The following KANK1 variants were observed in gnomAD, a reference collection of about 807,000 sequenced individuals.
KANK1 encodes KN motif and ankyrin repeat domains 1.
KANK1 carries 109 observed loss-of-function variants against 106.2 expected under a neutral mutation model. The ratio of observed to expected loss-of-function variants is 1.03; its 90% CI spans 0.88 to 1.20. The LOEUF (loss-of-function observed/expected upper bound fraction) is 1.20, where lower values mean the gene tolerates loss of function less well. KANK1 is among the 50% of genes most tolerant of loss of function. The pLI is 0.00. For synonymous variants in KANK1, 873 were observed against 652.2 expected (o/e 1.34, Z -5.16); for missense variants, 2,399 against 1,710.7 (o/e 1.40, Z -7.10).
intron 1 of KANK1, among the ~76,000 whole-genome samples, chr9:589,053 C>T (rs1182284786): frequency 1.3e-5 from 2 of 152,212 alleles, no homozygotes; most frequent in Non-Finnish European, 2.9e-5. Flanking sequence ...CTGAAGATCA[C>T]AAATTACCTT....
At chr9:719,258 C>T (rs956711283) in intron 3 of KANK1, among the ~76,000 whole-genome samples, 3 of 152,132 alleles carry the variant, frequency 2.0e-5, no homozygotes, top group Non-Finnish European at 4.4e-5. Flanking sequence ...TGAGCCAGCG[C>T]GCCCGGCCTC....
At chr9:629,077 CAA>C (rs34834497) in intron 1 of KANK1, among the ~76,000 whole-genome samples, 3,686 of 132,634 alleles carry the variant, frequency 0.028, 150 homozygotes, top group African/African-American at 0.091. Context: ...CAACTGTTTC[CAA>C]AAAAAAAAAA....
chr9:552,757 C>G (rs1397165315), intron 1 of KANK1, among the ~76,000 whole-genome samples: 7 of 152,192 alleles, frequency 4.6e-5, no homozygotes, highest in African/African-American at 7.2e-5. Context: ...GAAATGTTTT[C>G]TCTTGATCAG....
chr9:727,430 C>T (rs554061681), intron 3 of KANK1, among the ~76,000 whole-genome samples: 10 of 151,518 alleles, frequency 6.6e-5, no homozygotes, highest in Non-Finnish European at 1.0e-4. Context: ...ATTCTCCTAC[C>T]TCAGCCTCCC....
At chr9:687,295 A>G (rs985329701) in intron 2 of KANK1, among the ~76,000 whole-genome samples, 1 of 152,092 alleles carries the variant, frequency 6.6e-6, no homozygotes, top group Admixed American at 6.5e-5. Context: ...GTATGTAAGG[A>G]TGGCTGGCAA....
At chr9:494,581 C>G (rs1018791300) in intron 3 of KANK1, among the ~76,000 whole-genome samples, 2 of 152,188 alleles carry the variant, frequency 1.3e-5, no homozygotes, top group African/African-American at 4.8e-5. Flanking sequence ...AACTTTCTCT[C>G]TCTCCCCACT....
intron 3 of KANK1, among the ~76,000 whole-genome samples, chr9:480,736 G>A (rs1243158475): frequency 2.0e-5 from 3 of 152,108 alleles, no homozygotes; most frequent in Non-Finnish European, 4.4e-5. Context: ...GGGGAGCCGT[G>A]TATTAGAGAC....
intron 3 of KANK1, among the ~76,000 whole-genome samples, chr9:497,759 A>G (rs778039614): frequency 3.9e-5 from 6 of 152,034 alleles, no homozygotes; most frequent in Admixed American, 1.3e-4. Flanking sequence ...AAGCGGAGGT[A>G]GGAGGATCAG....
At chr9:503,688 G>C (rs1051868831), upstream of KANK1, among the ~76,000 whole-genome samples, 1 of 152,142 alleles carries the variant, frequency 6.6e-6, no homozygotes, top group Non-Finnish European at 1.5e-5. Flanking sequence ...ATTGTTTTTT[G>C]AGTAATACCT....
rs762887234 is a variant in KANK1, at chr9:738,373, C to T, written c.3422C>T (p.Ala1141Val). 6.2e-7 allele frequency: 1 copy of T among 1,614,184 alleles called. No homozygotes were observed. The highest frequency in any genetic ancestry group is 8.5e-7 in the Non-Finnish European group (1 of 1,180,032). ...AIPAMVGDYIAAFEAISPDVL... is the reference protein window; with the variant it reads ...AIPAMVGDYIVAFEAISPDVL... ...CCAGCCATGGTGGGGGACTACATAGCTGCTTTTGAGGCCATTTCCCCAGAT... is the reference window on the plus strand; with the variant it reads ...CCAGCCATGGTGGGGGACTACATAGTTGCTTTTGAGGCCATTTCCCCAGAT... Residue 1141 changes from alanine to valine, a missense_variant, in exon 8 of 12, where the codon GCT (alanine) becomes GTT (valine). Physicochemically the swap from Ala to Val is moderately conservative, Grantham distance 64 (BLOSUM62 0). Transcript: ENST00000382297.
intron 1 of KANK1, among the ~76,000 whole-genome samples, chr9:645,439 T>TAA (rs376740141): frequency 4.1e-4 from 29 of 70,216 alleles, no homozygotes; most frequent in Non-Finnish European, 5.2e-4. Context: ...GACTGTGTCT[T>TAA]AAAAAAAAAA....
chr9:572,384 A>T (rs946704084), intron 1 of KANK1, among the ~76,000 whole-genome samples: 8 of 151,948 alleles, frequency 5.3e-5, no homozygotes, highest in Non-Finnish European at 1.2e-4. Flanking sequence ...CCCCGTCTCT[A>T]CTAAAAAATA....
intron 3 of KANK1, among the ~76,000 whole-genome samples, chr9:723,554 G>C (rs1829912136): frequency 1.3e-5 from 2 of 152,094 alleles, no homozygotes; most frequent in African/African-American, 4.8e-5. Context: ...GAGCCCAGGA[G>C]TTCAAGGCTA....
chr9:580,657 A>T (rs1487174288), intron 1 of KANK1, among the ~76,000 whole-genome samples: 1 of 152,206 alleles, frequency 6.6e-6, no homozygotes, highest in Non-Finnish European at 1.5e-5. Flanking sequence ...CCTTAGCTAG[A>T]CATAAAGGTT....
rs543793341 is a variant in KANK1 at position 738,252 on chromosome 9, A to G, written c.3334-33A>G. On this transcript the variant is annotated intron_variant, in intron 7 of 11. Transcript: ENST00000382297. ...ACTAGGTCTCAGAAAGTCTATAAAT[A>G]GAAGAACTAACGACCACTTGGTGTT... 5 of 1,565,418 alleles carry G rather than the reference A, an allele frequency of 3.2e-6. No individual in the cohort carries two copies. The East Asian group carries it at 6.9e-5, about 21-fold the overall frequency.
chr9:542,189 G>A (rs1272826447), intron 1 of KANK1, among the ~76,000 whole-genome samples: 1 of 151,878 alleles, frequency 6.6e-6, no homozygotes, highest in East Asian at 2.0e-4. Flanking sequence ...CACTAATCAG[G>A]GAAATGCAAA....
chr9:690,133 CA>C (rs57837964), intron 2 of KANK1, among the ~76,000 whole-genome samples: 6,763 of 61,480 alleles, frequency 0.11, 206 homozygotes, highest in East Asian at 0.33. Flanking sequence ...TCTAAAAATA[CA>C]AAAAAAAAAA....
At chr9:730,944 T>C (rs576703495) in intron 4 of KANK1, 2 of 367,482 alleles carry the variant, frequency 5.4e-6, no homozygotes, top group East Asian at 5.5e-5. Context: ...GAAGGACTAA[T>C]TGATTTTTTT....
intron 1 of KANK1, among the ~76,000 whole-genome samples, chr9:551,460 G>A (rs559440464): frequency 1.1e-3 from 161 of 152,254 alleles, no homozygotes; most frequent in Non-Finnish European, 1.7e-3. Flanking sequence ...TGGAAACCAG[G>A]AAGATGTTGA....
Sources: allele counts gnomAD v4.1 joint callset (sites outside exome capture counted in the v4.1 genomes callset), GRCh38; gene constraint gnomAD v4.1.1; transcripts MANE v1.5; gene names NCBI Gene and HGNC (gene_info 2026-07-23, HGNC 2026-07-21).